Variants in NBEAL1 observed in about 807,000 individuals in gnomAD.
NBEAL1 encodes neurobeachin like 1.
Under a neutral mutation model 351.3 loss-of-function variants are expected in NBEAL1, and 273 were observed. The ratio of observed to expected loss-of-function variants is 0.78; its 90% CI spans 0.70 to 0.86. The LOEUF is 0.86. Ranked by LOEUF, NBEAL1 falls within the 40% of genes least tolerant of loss-of-function variation. The pLI, the probability that NBEAL1 is intolerant of heterozygous loss-of-function variation, is 0.00. For synonymous variants in NBEAL1, 1,050 were observed against 1,086.4 expected, an observed-to-expected ratio of 0.97 and a Z score of 0.66; for missense variants, 2,961 against 3,201.3, an observed-to-expected ratio of 0.92 and a Z score of 1.81.
At chr2:203,049,260 T>C (rs972671171) in intron 3 of NBEAL1, among the ~76,000 whole-genome samples, 1 of 152,190 alleles carries the variant, frequency 6.6e-6, no homozygotes, top group African/African-American at 2.4e-5. Flanking sequence ...GGGTTCACCA[T>C]GTTGACCAGG....
chr2:203,218,632 A>G lies in NBEAL1; in HGVS notation c.*1278A>G, dbSNP rs976643812. 15 of 152,324 alleles carry G rather than the reference A, an allele frequency of 9.8e-5. No individual in the cohort carries two copies. Among genetic ancestry groups the G allele is most frequent in the Admixed American group, 6.5e-4 (10 of 15,296 alleles). The allele number at this position is 152,324 out of a possible 1,614,324, so 9.4% of individuals were successfully genotyped here. On this transcript the variant is annotated 3_prime_UTR_variant, in exon 56 of 56. Coordinates refer to ENST00000683969, the MANE Select transcript of NBEAL1 (RefSeq NM_001378026.1). ...AGTATTCTTTTTTGTTCCACAAATC[A>G]TAGATGTCCTTAAATCCAATTGTCT...
At chr2:203,214,467 A>C (rs569695337) in intron 55 of NBEAL1, among the ~76,000 whole-genome samples, 19 of 152,360 alleles carry the variant, frequency 1.2e-4, no homozygotes, top group South Asian at 8.3e-4. Flanking sequence ...ACCAAAAAAA[A>C]AGTGTCATTA....
chr2:203,023,880 C>T (rs998089042), intron 2 of NBEAL1, among the ~76,000 whole-genome samples: 2 of 152,054 alleles, frequency 1.3e-5, no homozygotes, highest in African/African-American at 4.8e-5. Flanking sequence ...AGAACATTGT[C>T]ATTTAAGAAG....
chr2:203,066,675 C>G (rs1397492556), intron 6 of NBEAL1, among the ~76,000 whole-genome samples: 2 of 151,418 alleles, frequency 1.3e-5, no homozygotes, highest in Non-Finnish European at 2.9e-5. Flanking sequence ...GGCAGCCGGG[C>G]AGAGGCGCTC....
intron 12 of NBEAL1, among the ~76,000 whole-genome samples, chr2:203,100,898 C>T (rs1006325244): frequency 3.3e-5 from 5 of 152,054 alleles, no homozygotes; most frequent in South Asian, 2.1e-4. Context: ...ACTTTTTAGT[C>T]GGGTTATTTG....
rs554409085 is a variant in NBEAL1 at position 203,115,985 on chromosome 2, G to A, written c.2507G>A (p.Gly836Asp). 7.1e-6 allele frequency: 11 copies of A among 1,550,060 alleles called. No individual in the cohort carries two copies. In the African/African-American group the frequency reaches 1.5e-4, roughly 21 times the overall value. Residue 836 changes from glycine to aspartate, a missense_variant and splice_region_variant, in exon 18 of 56, where the codon GGT (glycine) becomes GAT (aspartate). By Grantham distance (94) the Gly-to-Asp change is moderately conservative. Coordinates refer to ENST00000683969, the MANE Select transcript of NBEAL1 (RefSeq NM_001378026.1). ...PPQVKALYLA[G>D]PNCLSPWKCQ... is the part of the protein sequence containing the mutation. The stretch of plus-strand genomic sequence containing the variant: ...GTATGTGTGTGTAAATAATTTTCAG[G>A]TCCAAATTGTTTAAGCCCTTGGAAG...
rs140738066 is a variant in NBEAL1, at chr2:203,115,691, A to C, written c.2507-294A>C. ...GTGATCCACCTGCTTCAGCCTCCCA[A>C]AGTGCTGGGATTACAGGCATGAGCT... On this transcript the variant is annotated intron_variant, in intron 17 of 55. Transcript: ENST00000683969. Among the ~76,000 whole-genome samples, 2,261 of 152,186 alleles carry C rather than the reference A, an allele frequency of 0.015. 26 individuals carry two copies. Among genetic ancestry groups the C allele is most frequent in the Middle Eastern group, 0.051 (15 of 294 alleles).
At chr2:203,120,871 C>T (rs1202355158) in intron 18 of NBEAL1, among the ~76,000 whole-genome samples, 3 of 152,022 alleles carry the variant, frequency 2.0e-5, no homozygotes, top group Non-Finnish European at 4.4e-5. Flanking sequence ...GTGTCTGTCT[C>T]GGAGACGGAT....
At chr2:203,129,776 A>G (rs2106293888) in intron 24 of NBEAL1, among the ~76,000 whole-genome samples, 1 of 152,352 alleles carries the variant, frequency 6.6e-6, no homozygotes, top group East Asian at 1.9e-4. Context: ...AAGACCAGGA[A>G]AGACTTTATG....
At chr2:203,092,947 A>C (rs2062094779) in intron 10 of NBEAL1, among the ~76,000 whole-genome samples, 1 of 152,188 alleles carries the variant, frequency 6.6e-6, no homozygotes, top group Non-Finnish European at 1.5e-5. Flanking sequence ...AGAATCTGCT[A>C]ATCCGCTGGA....
intron 17 of NBEAL1, among the ~76,000 whole-genome samples, chr2:203,114,885 A>T (rs1256803799): frequency 6.6e-6 from 1 of 150,980 alleles, no homozygotes; most frequent in Non-Finnish European, 1.5e-5. Context: ...CCAAGTAGCT[A>T]GGATTACAGG....
chr2:203,033,154 C>A lies in NBEAL1; in HGVS notation c.52-8611C>A, dbSNP rs551321619. 5.3e-5 allele frequency among the ~76,000 whole-genome samples: 8 copies of A among 152,166 alleles called. No individual in the cohort carries two copies. The East Asian group carries it at 1.6e-3, about 29-fold the overall frequency. On this transcript the variant is annotated intron_variant, in intron 2 of 55. Coordinates refer to ENST00000683969, the MANE Select transcript of NBEAL1 (RefSeq NM_001378026.1). ...TAGCTGGGACTACAGGTGCCCGCCA[C>A]CACGCATGGCTAATTTTTTGTATTT...
chr2:203,154,093 G>A (rs1018392262), intron 35 of NBEAL1, among the ~76,000 whole-genome samples: 5 of 151,524 alleles, frequency 3.3e-5, no homozygotes, highest in East Asian at 1.9e-4. Context: ...AAAATTAGCC[G>A]GGCGTAGTGA....
At chr2:203,069,841 A>G (rs1388675716) in intron 7 of NBEAL1, among the ~76,000 whole-genome samples, 2 of 152,122 alleles carry the variant, frequency 1.3e-5, no homozygotes, top group Non-Finnish European at 2.9e-5. Context: ...AAAATTTTTT[A>G]TGGAGACAAA....
chr2:203,121,854 C>T (rs1306992358), intron 18 of NBEAL1, among the ~76,000 whole-genome samples: 1 of 151,810 alleles, frequency 6.6e-6, no homozygotes, highest in Admixed American at 6.6e-5. Context: ...GGCACCGTGT[C>T]GGCTCACTGC....
chr2:203,093,131 C>G (rs1376768699), intron 10 of NBEAL1, among the ~76,000 whole-genome samples: 1 of 145,778 alleles, frequency 6.9e-6, no homozygotes, highest in Admixed American at 7.1e-5. Context: ...ACTGGGGAGG[C>G]TGAGGCAGGA....
chr2:203,136,761 G>A lies in NBEAL1; in HGVS notation c.4552G>A (p.Glu1518Lys). 2.5e-6 allele frequency: 4 copies of A among 1,612,470 alleles called. No individual in the cohort carries two copies. The highest frequency in any genetic ancestry group is 2.5e-6 in the Non-Finnish European group (3 of 1,179,412). Reference sequence around the variant, plus strand: ...CAGTGAACTACTTCGACCATCAGATGAAATAAAACTAACGTAAGCATTTAG... The same window carrying A: ...CAGTGAACTACTTCGACCATCAGATAAAATAAAACTAACGTAAGCATTTAG... ...ISSELLRPSD[E>K]IKLTLLQKML... Residue 1518 changes from glutamate (E) to lysine (K), a missense_variant, in exon 29 of 56, where the codon GAA becomes AAA. By Grantham distance (56) the Glu-to-Lys change is moderately conservative (BLOSUM62 1). Transcript: ENST00000683969.
At chr2:203,048,597 T>C (rs2061269750) in intron 3 of NBEAL1, among the ~76,000 whole-genome samples, 1 of 152,152 alleles carries the variant, frequency 6.6e-6, no homozygotes, top group Admixed American at 6.6e-5. Context: ...AACACAGATT[T>C]ATTATTTCAT....
intron 15 of NBEAL1, among the ~76,000 whole-genome samples, chr2:203,111,531 C>T (rs186207307): frequency 7.7e-4 from 117 of 152,002 alleles, no homozygotes; most frequent in African/African-American, 2.5e-3. Context: ...CCACCATGCC[C>T]GGCTAATGTT....
Sources: allele counts gnomAD v4.1 joint callset (sites outside exome capture counted in the v4.1 genomes callset), GRCh38; gene constraint gnomAD v4.1.1; transcripts MANE v1.5; gene names NCBI Gene and HGNC (gene_info 2026-07-23, HGNC 2026-07-21).